The following PTH variants were observed in gnomAD, a reference collection of about 807,000 sequenced individuals.
The protein encoded by PTH is parathyroid hormone, also known as parathormone.
A neutral mutation model predicts 7.4 loss-of-function variants in PTH; 7 were observed. The ratio of observed to expected loss-of-function variants is 0.94; its 90% CI spans 0.53 to 1.77. The LOEUF (loss-of-function observed/expected upper bound fraction) is 1.77, where lower values mean the gene tolerates loss of function less well. Ranked by LOEUF, PTH falls within the 40% of genes most tolerant of loss-of-function variation. The probability of loss-of-function intolerance (pLI) is 0.00; values close to 1 mark genes in which losing one functional copy is unlikely to be tolerated. For missense variants in PTH, 128 were observed against 137.1 expected (o/e 0.93, Z 0.33); for synonymous variants, 51 against 46.6 (o/e 1.09, Z -0.39).
Position 13,492,230 on chromosome 11 carries a change from T to A in PTH, c.*175A>T. 3 of 650,234 alleles carry A rather than the reference T, an allele frequency of 4.6e-6. No homozygotes were observed. The highest frequency in any genetic ancestry group is 5.6e-5 in the East Asian group (2 of 35,412). 40.3% of individuals were successfully genotyped at this position (650,234 alleles called of 1,614,324 possible). ...TTAAAATAACTCAAATGAATAAAAG[T>A]GGAATCAGAATAATCAATTAAAATT... On this transcript the variant is annotated 3_prime_UTR_variant, in exon 3 of 3. Transcript: ENST00000282091.
At position 13,492,538 on chromosome 11, in the gene PTH, A is replaced by G; in HGVS notation, c.215T>C (p.Leu72Pro). 6.2e-7 allele frequency: 1 copy of G among 1,614,130 alleles called. No individual in the cohort carries two copies. The highest frequency in any genetic ancestry group is 1.1e-5 in the South Asian group (1 of 91,070). ...CTGGGAACCAGCATCTCTGGGAGCT[A>G]GAGGAGCTCCAAGGGCAACAAAATT... ...VHNFVALGAP[L>P]APRDAGSQRP... The change falls in exon 3 of 3, where the codon CTA becomes CCA. Residue 72 changes from leucine to proline, a missense_variant. Physicochemically the swap from Leu to Pro is moderately conservative, Grantham distance 98 (BLOSUM62 -3). Transcript: ENST00000282091.
At chr11:13,493,320 T>C (rs897928685) in intron 1 of PTH, among the ~76,000 whole-genome samples, 1 of 152,150 alleles carries the variant, frequency 6.6e-6, no homozygotes, top group Non-Finnish European at 1.5e-5. Context: ...TATTAAAATG[T>C]TAAGACTTCA....
At chr11:13,493,226 G>A (rs1045226270) in intron 1 of PTH, among the ~76,000 whole-genome samples, 10 of 151,434 alleles carry the variant, frequency 6.6e-5, no homozygotes, top group Admixed American at 3.3e-4. Flanking sequence ...GATATTAAGC[G>A]GCAACTACTC....
intron 1 of PTH, among the ~76,000 whole-genome samples, chr11:13,494,857 C>T (rs774056134): frequency 1.3e-5 from 2 of 152,240 alleles, no homozygotes; most frequent in South Asian, 2.1e-4. Context: ...GTTGATTATA[C>T]CTAAATGTTT....
chr11:13,493,235 T>C (rs1240679697), intron 1 of PTH, among the ~76,000 whole-genome samples: 2 of 152,066 alleles, frequency 1.3e-5, no homozygotes, highest in Non-Finnish European at 2.9e-5. Flanking sequence ...CGGCAACTAC[T>C]CACCTGAAAA....
At chr11:13,494,200 C>T (rs1277123372) in intron 1 of PTH, among the ~76,000 whole-genome samples, 1 of 152,032 alleles carries the variant, frequency 6.6e-6, no homozygotes, top group African/African-American at 2.4e-5. Flanking sequence ...GGAAGCCAGG[C>T]CTGGGATTTG....
At chr11:13,493,650 T>C (rs929415795) in intron 1 of PTH, among the ~76,000 whole-genome samples, 4 of 152,230 alleles carry the variant, frequency 2.6e-5, no homozygotes, top group African/African-American at 9.6e-5. Context: ...TGAGCTATGT[T>C]AAAATGTTAG....
In PTH at chr11:13,492,410, G is replaced by T. The variant is rs1486694017; in HGVS notation, c.343C>A (p.Gln115Lys). The T allele has an allele frequency of 6.8e-6, 11 of 1,612,350 alleles. No individual in the cohort carries two copies. The highest frequency in any genetic ancestry group is 1.7e-5 in the Admixed American group (1 of 59,962). ...DVNVLTKAKS[Q>K] ...GACAATATCTGTTTTCATTTTCACT[G>T]GGATTTAGCTTTAGTTAATACATTC... The change falls in exon 3 of 3, where the codon CAG becomes AAG. Residue 115 changes from glutamine (Q) to lysine (K), a missense_variant. Coordinates refer to ENST00000282091, the MANE Select transcript of PTH (RefSeq NM_000315.4).
At chr11:13,494,212 A>G (rs1046231554) in intron 1 of PTH, among the ~76,000 whole-genome samples, 1 of 152,058 alleles carries the variant, frequency 6.6e-6, no homozygotes, top group Admixed American at 6.6e-5. Flanking sequence ...TGGGATTTGG[A>G]GAGAAGAGTC....
chr11:13,492,367 T>A lies in PTH; in HGVS notation c.*38A>T, dbSNP rs779041849. 4 of 1,604,018 alleles carry A rather than the reference T, an allele frequency of 2.5e-6. No individual in the cohort carries two copies. The African/African-American group carries it at 5.3e-5, about 21-fold the overall frequency. ...AGCAGCATGTATTGTTGCCCTACAC[T>A]GTCTAGAGCAGAACTCTGACAATAT... is the stretch of plus-strand genomic sequence containing the variant. On this transcript the variant is annotated 3_prime_UTR_variant, in exon 3 of 3. Coordinates refer to ENST00000282091, the MANE Select transcript of PTH (RefSeq NM_000315.4).
At position 13,492,993 on chromosome 11, in the gene PTH, G is replaced by A. The variant is rs535673957; in HGVS notation, c.-5-133C>T. 4.8e-4 allele frequency: 386 copies of A among 802,496 alleles called. 1 individual carries two copies. In the Middle Eastern group the frequency reaches 0.012, roughly 24 times the overall value. The allele number at this position is 802,496 out of a possible 1,614,324, so 49.7% of individuals were successfully genotyped here. On this transcript the variant is annotated intron_variant, in intron 1 of 2. Coordinates refer to ENST00000282091, the MANE Select transcript of PTH (RefSeq NM_000315.4). Reference sequence around the variant, plus strand: ...TTGGAATCAACCTCTTTATTTTATGGATACATTAGTATACATTATATATAC... The same window carrying A: ...TTGGAATCAACCTCTTTATTTTATGAATACATTAGTATACATTATATATAC...
Position 13,492,266 on chromosome 11 carries a change from T to G in PTH, c.*139A>C. ...TAATCAATTAAAATTGCAGTTATCATGGCTAGTGATGGATTACATGTAGTT... is the reference window on the plus strand; with the variant it reads ...TAATCAATTAAAATTGCAGTTATCAGGGCTAGTGATGGATTACATGTAGTT... On this transcript the variant is annotated 3_prime_UTR_variant, in exon 3 of 3. Coordinates refer to ENST00000282091, the MANE Select transcript of PTH (RefSeq NM_000315.4). 1.0e-6 allele frequency: 1 copy of G among 955,438 alleles called. No individual in the cohort carries two copies. The highest frequency in any genetic ancestry group is 1.6e-6 in the Non-Finnish European group (1 of 644,648). The allele number at this position is 955,438 out of a possible 1,614,324, so 59.2% of individuals were successfully genotyped here. A position where few individuals can be genotyped will look rare whatever the true frequency, so the allele number is the denominator to read the frequency against.
intron 1 of PTH, among the ~76,000 whole-genome samples, chr11:13,495,631 T>C (rs1306419120): frequency 1.3e-5 from 2 of 152,210 alleles, no homozygotes; most frequent in Non-Finnish European, 2.9e-5. Flanking sequence ...TACTATTATA[T>C]TAAAGCATAG....
At chr11:13,494,382 C>A (rs965142793) in intron 1 of PTH, among the ~76,000 whole-genome samples, 29 of 152,070 alleles carry the variant, frequency 1.9e-4, no homozygotes, top group African/African-American at 6.5e-4. Flanking sequence ...AATTCAGAAC[C>A]TCTGTGATAA....
At chr11:13,494,526 C>G (rs191525535) in intron 1 of PTH, among the ~76,000 whole-genome samples, 4 of 152,250 alleles carry the variant, frequency 2.6e-5, no homozygotes, top group Non-Finnish European at 5.9e-5. Context: ...GCCACATCTT[C>G]CCTCAAATGT....
chr11:13,493,593 T>C (rs919302935), intron 1 of PTH, among the ~76,000 whole-genome samples: 1 of 152,220 alleles, frequency 6.6e-6, no homozygotes, highest in Non-Finnish European at 1.5e-5. Context: ...CCATCTACCG[T>C]CCTAACTGTG....
rs746647774 is a variant in PTH at position 13,492,598 on chromosome 11, A to T, written c.155T>A (p.Val52Glu). The T allele has an allele frequency of 3.1e-6, 5 of 1,613,758 alleles. No individual in the cohort carries two copies. Among genetic ancestry groups the T allele is most frequent in the Non-Finnish European group, 4.2e-6 (5 of 1,179,940 alleles). Residue 52 changes from valine (V) to glutamate (E), a missense_variant, in exon 3 of 3, where the codon GTA becomes GAA. Transcript: ENST00000282091. The part of the protein sequence containing the change: ...LGKHLNSMER[V>E]EWLRKKLQDV... ...CTGCAGCTTCTTACGCAGCCATTCT[A>T]CTCTCTCCATCGAGTTCAGATGTTT... is the stretch of plus-strand genomic sequence containing the variant.
In PTH at chr11:13,492,312, C is replaced by T; in HGVS notation, c.*93G>A. 6.6e-7 allele frequency: 1 copy of T among 1,507,196 alleles called. No individual in the cohort carries two copies. The highest frequency in any genetic ancestry group is 9.1e-7 in the Non-Finnish European group (1 of 1,102,770). The allele number at this position is 1,507,196 out of a possible 1,614,324, so 93.4% of individuals were successfully genotyped here. A position where few individuals can be genotyped will look rare whatever the true frequency, so the allele number is the denominator to read the frequency against. ...TAGTTTGTTATATCAGAAATATTGGCACTTGGAAATCTTAATAGAGCTTTG... is the reference window on the plus strand; with the variant it reads ...TAGTTTGTTATATCAGAAATATTGGTACTTGGAAATCTTAATAGAGCTTTG... On this transcript the variant is annotated 3_prime_UTR_variant, in exon 3 of 3. Coordinates refer to ENST00000282091, the MANE Select transcript of PTH (RefSeq NM_000315.4).
Position 13,492,670 on chromosome 11 carries a change from G to C in PTH, c.87-4C>G, listed in dbSNP as rs757031965. 1.2e-6 allele frequency: 2 copies of C among 1,613,996 alleles called. No homozygotes were observed. The highest frequency in any genetic ancestry group is 1.7e-6 in the Non-Finnish European group (2 of 1,180,002). On this transcript the variant is annotated splice_polypyrimidine_tract_variant and splice_region_variant and intron_variant, in intron 2 of 2. Coordinates refer to ENST00000282091, the MANE Select transcript of PTH (RefSeq NM_000315.4). ...TATTTCACTCACAGATCTCTTCCTG[G>C]GAAGAAGAGAAACAGAGAGGGCCAC...
Sources: gnomAD v4.1 joint callset for allele counts (sites outside exome capture counted in the v4.1 genomes callset) on GRCh38, gnomAD v4.1.1 for gene constraint, MANE v1.5 for transcripts, NCBI Gene and HGNC (gene_info 2026-07-23, HGNC 2026-07-21) for gene names.